Variants in BCL2L1 observed in about 807,000 individuals in gnomAD.
BCL2L1 encodes the protein BCL2 like 1.
A neutral mutation model predicts 18.7 loss-of-function variants in BCL2L1; 1 was observed. That is an observed-to-expected ratio of 0.05 (90% CI 0.02 to 0.25). The LOEUF is 0.25. Among genes scored for constraint, BCL2L1 ranks in the 10% least tolerant of loss-of-function variants. BCL2L1 has a pLI of 1.00. For missense variants in BCL2L1, 207 were observed against 304.9 expected (o/e 0.68, Z 2.39); for synonymous variants, 103 against 122.7 (o/e 0.84, Z 1.06).
chr20:31,699,588 C>T (rs973859978), intron 2 of BCL2L1, among the ~76,000 whole-genome samples: 2 of 152,228 alleles, frequency 1.3e-5, no homozygotes, highest in African/African-American at 2.4e-5. Flanking sequence ...TCTCCTTTTG[C>T]TAAGCAGCTT....
intron 2 of BCL2L1, among the ~76,000 whole-genome samples, chr20:31,683,771 A>AG: frequency 8.5e-5 from 1 of 11,832 alleles, no homozygotes; most frequent in Non-Finnish European, 1.5e-4. Flanking sequence ...CTCCATCTCA[A>AG]AAAAAAAAAA....
At chr20:31,671,442 C>G (rs143308372) in intron 2 of BCL2L1, among the ~76,000 whole-genome samples, 39 of 152,252 alleles carry the variant, frequency 2.6e-4, no homozygotes, top group Middle Eastern at 3.4e-3. Flanking sequence ...CCAACACTGT[C>G]CTTTAACTGG....
chr20:31,705,216 A>T (rs1053866216), intron 2 of BCL2L1, among the ~76,000 whole-genome samples: 2 of 152,202 alleles, frequency 1.3e-5, no homozygotes, highest in Admixed American at 1.3e-4. Context: ...CTATTTTGAG[A>T]ATTCAATGAA....
chr20:31,683,495 G>A (rs142690851), intron 2 of BCL2L1, among the ~76,000 whole-genome samples: 2 of 152,102 alleles, frequency 1.3e-5, no homozygotes, highest in African/African-American at 2.4e-5. Flanking sequence ...ATGGCCCGGC[G>A]CAGTGGCTCA....
intron 2 of BCL2L1, among the ~76,000 whole-genome samples, chr20:31,696,101 A>C (rs1423425983): frequency 6.6e-6 from 1 of 152,198 alleles, no homozygotes; most frequent in Non-Finnish European, 1.5e-5. Flanking sequence ...ATTTACTTAA[A>C]ATCTGTCACC....
chr20:31,709,998 T>C (rs1205622447), intron 2 of BCL2L1, among the ~76,000 whole-genome samples: 2 of 152,128 alleles, frequency 1.3e-5, no homozygotes, highest in Non-Finnish European at 2.9e-5. Flanking sequence ...AGCCTGCTCT[T>C]GTTACATTCT....
chr20:31,707,726 C>T (rs1404248133), intron 2 of BCL2L1, among the ~76,000 whole-genome samples: 1 of 147,564 alleles, frequency 6.8e-6, no homozygotes, highest in Non-Finnish European at 1.5e-5. Flanking sequence ...TGTGGTGAGC[C>T]GAGGTGGCAC....
intron 2 of BCL2L1, among the ~76,000 whole-genome samples, chr20:31,669,319 C>G (rs1327187857): frequency 6.6e-6 from 1 of 151,398 alleles, no homozygotes; most frequent in African/African-American, 2.4e-5. Context: ...CTCAGCCTCC[C>G]AAGTGCTGAG....
intron 2 of BCL2L1, among the ~76,000 whole-genome samples, chr20:31,701,405 G>GT (rs1193331932): frequency 3.9e-5 from 6 of 152,140 alleles, no homozygotes; most frequent in African/African-American, 1.4e-4. Flanking sequence ...GCAATATTTA[G>GT]TTATAAAGAA....
chr20:31,716,181 C>T (rs2061533013), intron 2 of BCL2L1, among the ~76,000 whole-genome samples: 1 of 152,014 alleles, frequency 6.6e-6, no homozygotes, highest in Non-Finnish European at 1.5e-5. Context: ...ATTTTTCCTC[C>T]AGTTAATCTG....
rs199575410 is a variant in BCL2L1, at chr20:31,697,892, G to GTTTTTTTTTTTTTTTTTT, written c.564+23762_564+23763insAAAAAAAAAAAAAAAAAA. ...AGAATCCTCAGCATGTGCTGTTGCTGTTTTTTTTTTTTTGAGACGGAGTCT... is the reference window on the plus strand; with the variant it reads ...AGAATCCTCAGCATGTGCTGTTGCTGTTTTTTTTTTTTTTTTTTTTTTTTTTTTTTTGAGACGGAGTCT... On this transcript the variant is annotated intron_variant, in intron 2 of 2. Transcript: ENST00000307677. Among the ~76,000 whole-genome samples the GTTTTTTTTTTTTTTTTTT allele has an allele frequency of 8.4e-4, 109 of 129,618 alleles. 1 individual carries two copies. The highest frequency in any genetic ancestry group is 3.1e-3 in the African/African-American group (96 of 30,492). The allele number at this position is 129,618 out of a possible 152,430, so 85.0% of individuals were successfully genotyped here. A position where few individuals can be genotyped will look rare whatever the true frequency, so the allele number is the denominator to read the frequency against.
intron 2 of BCL2L1, chr20:31,720,475 G>C: frequency 1.1e-6 from 1 of 940,400 alleles, no homozygotes; most frequent in Non-Finnish European, 1.3e-6. Context: ...AGGGAGATAA[G>C]CAAGAAAACA....
chr20:31,723,181 T>C, upstream of BCL2L1: 3 of 665,476 alleles, frequency 4.5e-6, no homozygotes, highest in Non-Finnish European at 5.6e-6. Context: ...GTCTGTGATG[T>C]TGAAGGCCGG....
chr20:31,671,101 G>A (rs942685937), intron 2 of BCL2L1, among the ~76,000 whole-genome samples: 1 of 152,022 alleles, frequency 6.6e-6, no homozygotes, highest in African/African-American at 2.4e-5. Flanking sequence ...GGAAAGTGGG[G>A]TAGCTGACTT....
chr20:31,691,743 C>G (rs1164487729), intron 2 of BCL2L1, among the ~76,000 whole-genome samples: 1 of 152,002 alleles, frequency 6.6e-6, no homozygotes, highest in Non-Finnish European at 1.5e-5. Context: ...GGAAATGGAG[C>G]AAGGACTTGA....
At chr20:31,689,383 G>A (rs573668337) in intron 2 of BCL2L1, among the ~76,000 whole-genome samples, 1 of 144,016 alleles carries the variant, frequency 6.9e-6, no homozygotes, top group East Asian at 2.1e-4. Flanking sequence ...TTGAGACCAG[G>A]AGTTCGAAAC....
At chr20:31,713,667 T>C in intron 2 of BCL2L1, 1 of 840,638 alleles carries the variant, frequency 1.2e-6, no homozygotes, top group Non-Finnish European at 1.4e-6. Context: ...AAAACCACAA[T>C]TTCAAAAATC....
intron 2 of BCL2L1, among the ~76,000 whole-genome samples, chr20:31,693,710 GT>G (rs2061121840): frequency 6.6e-6 from 1 of 151,986 alleles, no homozygotes; most frequent in African/African-American, 2.4e-5. Flanking sequence ...TTTAATTTTA[GT>G]TTTTGTAGAG....
At chr20:31,672,982 G>A (rs2060694676) in intron 2 of BCL2L1, among the ~76,000 whole-genome samples, 1 of 151,474 alleles carries the variant, frequency 6.6e-6, no homozygotes. Flanking sequence ...TTATAGGCAT[G>A]AGCAACTGTG....
Sources: allele counts gnomAD v4.1 joint callset (sites outside exome capture counted in the v4.1 genomes callset), GRCh38; gene constraint gnomAD v4.1.1; transcripts MANE v1.5; gene names NCBI Gene and HGNC (gene_info 2026-07-23, HGNC 2026-07-21).